The following SORCS1 variants were observed in gnomAD, a reference collection of about 807,000 sequenced individuals.
SORCS1 encodes sortilin related VPS10 domain containing receptor 1.
In SORCS1, 60 loss-of-function variants were observed where a neutral mutation model predicts 146.1. The observed-to-expected ratio is 0.41, with a 90% CI of 0.33 to 0.51. The LOEUF (loss-of-function observed/expected upper bound fraction) is 0.51. SORCS1 is among the 20% of genes least tolerant of loss of function. The pLI, the probability that SORCS1 is intolerant of heterozygous loss-of-function variation, is 0.21. For missense variants in SORCS1, 1,352 were observed against 1,487.6 expected (o/e 0.91, Z 1.50); for synonymous variants, 637 against 584.0 (o/e 1.09, Z -1.31).
rs1390502532 is a variant in SORCS1 at position 106,970,209 on chromosome 10, T to G, written c.559-13629A>C. ...ACAATACCATTCAATGCGGAATACC[T>G]TGGCCTACTCTATCTTCAGTGTTGC... is the stretch of plus-strand genomic sequence containing the variant. On this transcript the variant is annotated intron_variant, in intron 1 of 25. Transcript: ENST00000263054. 13 of 152,346 alleles carry G rather than the reference T, an allele frequency of 8.5e-5. No individual in the cohort carries two copies. The South Asian group carries it at 1.7e-3, about 19-fold the overall frequency. 9.4% of individuals were successfully genotyped at this position (152,346 alleles called of 1,614,324 possible).
chr10:107,110,201 C>G (rs1271724096), intron 1 of SORCS1, among the ~76,000 whole-genome samples: 1 of 152,140 alleles, frequency 6.6e-6, no homozygotes, highest in Non-Finnish European at 1.5e-5. Context: ...TCAACCTCTG[C>G]TAGTTACCCA....
intron 9 of SORCS1, among the ~76,000 whole-genome samples, chr10:106,691,283 T>C (rs573394400): frequency 1.2e-4 from 18 of 152,274 alleles, no homozygotes; most frequent in African/African-American, 4.3e-4. Flanking sequence ...AAACCTCCCA[T>C]GGGAATGGTA....
At chr10:106,719,050 A>T (rs1193275750) in intron 6 of SORCS1, among the ~76,000 whole-genome samples, 1 of 152,232 alleles carries the variant, frequency 6.6e-6, no homozygotes, top group Non-Finnish European at 1.5e-5. Context: ...CCAATCCAGA[A>T]GCCCACCCAG....
intron 1 of SORCS1, among the ~76,000 whole-genome samples, chr10:107,153,927 A>G (rs573047130): frequency 2.6e-5 from 4 of 152,134 alleles, no homozygotes; most frequent in South Asian, 2.1e-4. Context: ...TTTTTCCCAC[A>G]AAAGTTTAAT....
At chr10:107,173,153 A>G in the SORCS1 span, among the ~76,000 whole-genome samples, 2 of 152,188 alleles carry the variant, frequency 1.3e-5, no homozygotes, top group African/African-American at 4.8e-5. Flanking sequence ...TGACTTCTAT[A>G]ACTATACATT....
intron 1 of SORCS1, among the ~76,000 whole-genome samples, chr10:107,078,031 T>A (rs1420847627): frequency 6.6e-6 from 1 of 152,162 alleles, no homozygotes; most frequent in Non-Finnish European, 1.5e-5. Context: ...TCCTAATCAC[T>A]TATGATGAAT....
At chr10:106,930,379 C>T (rs1207374909) in intron 2 of SORCS1, among the ~76,000 whole-genome samples, 1 of 152,122 alleles carries the variant, frequency 6.6e-6, no homozygotes. Context: ...ACTCATTATG[C>T]TTATGCTTAG....
intron 16 of SORCS1, among the ~76,000 whole-genome samples, chr10:106,670,746 T>G (rs1851530946): frequency 6.7e-6 from 1 of 149,332 alleles, no homozygotes; most frequent in Non-Finnish European, 1.5e-5. Context: ...CATGCTGGAG[T>G]GCAGTGGCGC....
At chr10:106,721,626 G>A (rs548591283) in intron 6 of SORCS1, among the ~76,000 whole-genome samples, 8 of 152,226 alleles carry the variant, frequency 5.3e-5, no homozygotes, top group Non-Finnish European at 7.4e-5. Context: ...GCAAACACAG[G>A]CATTATGATA....
At chr10:106,804,291 T>C (rs1297418620) in intron 3 of SORCS1, among the ~76,000 whole-genome samples, 1 of 151,754 alleles carries the variant, frequency 6.6e-6, no homozygotes, top group Non-Finnish European at 1.5e-5. Flanking sequence ...CATGATTGCA[T>C]GACTGCACTC....
At chr10:107,042,536 C>G (rs10884405) in intron 1 of SORCS1, among the ~76,000 whole-genome samples, 2 of 151,868 alleles carry the variant, frequency 1.3e-5, no homozygotes, top group Admixed American at 1.3e-4. Context: ...ATCTTCCTTG[C>G]ACATGGACAA....
intron 1 of SORCS1, among the ~76,000 whole-genome samples, chr10:107,091,406 C>G (rs892385989): frequency 6.6e-6 from 1 of 152,204 alleles, no homozygotes; most frequent in Admixed American, 6.5e-5. Context: ...TTAATGTGGT[C>G]ATATAAACAG....
chr10:106,695,690 TTAA>T (rs767784622), intron 9 of SORCS1, among the ~76,000 whole-genome samples: 3 of 145,574 alleles, frequency 2.1e-5, no homozygotes, highest in Non-Finnish European at 4.5e-5. Flanking sequence ...TTAGCCATTA[TTAA>T]TGATATCAAT....
At chr10:106,666,340 C>T (rs1412681288) in intron 17 of SORCS1, among the ~76,000 whole-genome samples, 1 of 152,164 alleles carries the variant, frequency 6.6e-6, no homozygotes. Flanking sequence ...TGCCTTCGGT[C>T]TTGAACCGAA....
chr10:107,034,907 C>G lies in SORCS1; in HGVS notation c.559-78327G>C, dbSNP rs183424854. Among the ~76,000 whole-genome samples the G allele has an allele frequency of 2.7e-3, 405 of 151,930 alleles. 2 individuals carry two copies. Among genetic ancestry groups the G allele is most frequent in the African/African-American group, 9.2e-3 (382 of 41,474 alleles). ...TATAAAATAATTTAATCTATTCACT[C>G]ATTTTTAACTAAATTATACAAGAAT... On this transcript the variant is annotated intron_variant, in intron 1 of 25. Transcript: ENST00000263054.
intron 3 of SORCS1, among the ~76,000 whole-genome samples, chr10:106,793,689 A>T (rs933026484): frequency 6.6e-6 from 1 of 152,186 alleles, no homozygotes; most frequent in Non-Finnish European, 1.5e-5. Flanking sequence ...CAGGCAGATG[A>T]CCAGTTAAGC....
chr10:106,740,376 A>C (rs964039873), intron 5 of SORCS1, among the ~76,000 whole-genome samples: 1 of 152,182 alleles, frequency 6.6e-6, no homozygotes, highest in Non-Finnish European at 1.5e-5. Context: ...ATTCTGAATT[A>C]ATTTTTTAAT....
At chr10:106,697,198 G>A (rs1853764721) in intron 9 of SORCS1, among the ~76,000 whole-genome samples, 1 of 152,022 alleles carries the variant, frequency 6.6e-6, no homozygotes, top group Non-Finnish European at 1.5e-5. Context: ...CAGCTACTTG[G>A]TATAGGCCAT....
At chr10:107,154,497 G>A (rs1969114190) in intron 1 of SORCS1, among the ~76,000 whole-genome samples, 1 of 151,814 alleles carries the variant, frequency 6.6e-6, no homozygotes, top group African/African-American at 2.4e-5. Context: ...CAGGTACAAA[G>A]TTATAGGTTG....
Sources: allele counts gnomAD v4.1 joint callset (sites outside exome capture counted in the v4.1 genomes callset), GRCh38; gene constraint gnomAD v4.1.1; transcripts MANE v1.5; gene names NCBI Gene and HGNC (gene_info 2026-07-23, HGNC 2026-07-21).